Variants in CYB5R4 observed in about 807,000 individuals in gnomAD.
The protein encoded by CYB5R4 is N-terminal cytochrome b5 and cytochrome b5 oxidoreductase domain-containing protein.
A neutral mutation model predicts 70.2 loss-of-function variants in CYB5R4; 55 were observed. The observed-to-expected ratio is 0.78, with a 90% CI of 0.63 to 0.98. The LOEUF (loss-of-function observed/expected upper bound fraction) is 0.98, where lower values mean the gene tolerates loss of function less well. Ranked by LOEUF, CYB5R4 falls within the 50% of genes least tolerant of loss-of-function variation. The probability of loss-of-function intolerance (pLI) is 0.00; values close to 1 mark genes in which losing one functional copy is unlikely to be tolerated. For synonymous variants in CYB5R4, 197 were observed against 199.5 expected (o/e 0.99, Z 0.11); for missense variants, 562 against 612.6 (o/e 0.92, Z 0.87).
chr6:83,955,559 C>A, intron 15 of CYB5R4, 97 bp downstream of exon 15: 1 of 1,141,884 alleles, frequency 8.8e-7, no homozygotes, highest in South Asian at 1.9e-5. Context: ...TATGAAACTG[C>A]ACTTTAATAA....
intron 3 of CYB5R4, among the ~76,000 whole-genome samples, chr6:83,895,030 G>A (rs2099461642): frequency 6.6e-6 from 1 of 152,186 alleles, no homozygotes; most frequent in Non-Finnish European, 1.5e-5. Context: ...TGCTGTTAAT[G>A]TTCTTCCTGG....
At position 83,872,832 on chromosome 6, in the gene CYB5R4, C is replaced by G. The variant is rs148564325; in HGVS notation, c.229+8504C>G. ...CTTAAACCTAGGTCACAAACTGCAT[C>G]CTGTAGCCTAGTGTGGGACCAAACT... On this transcript the variant is annotated intron_variant, in intron 2 of 15. Transcript: ENST00000369681. Among the ~76,000 whole-genome samples the G allele has an allele frequency of 4.4e-3, 668 of 152,278 alleles. 3 individuals are homozygous for G. The highest frequency in any genetic ancestry group is 0.015 in the African/African-American group (627 of 41,560).
intron 2 of CYB5R4, among the ~76,000 whole-genome samples, chr6:83,893,162 TA>T (rs1236686666): frequency 6.6e-6 from 1 of 152,212 alleles, no homozygotes; most frequent in Non-Finnish European, 1.5e-5. Flanking sequence ...TGCAGCGCAT[TA>T]AGTGTACAGG....
At chr6:83,889,533 T>G (rs759193185) in intron 2 of CYB5R4, among the ~76,000 whole-genome samples, 1 of 152,210 alleles carries the variant, frequency 6.6e-6, no homozygotes. Context: ...TATTTTAAGC[T>G]CAATGTTGAG....
intron 5 of CYB5R4, among the ~76,000 whole-genome samples, chr6:83,916,902 A>G (rs947424561): frequency 1.3e-5 from 2 of 152,216 alleles, no homozygotes; most frequent in Non-Finnish European, 2.9e-5. Flanking sequence ...CTCAGCAGAT[A>G]CTAACCATTA....
chr6:83,944,695 C>G (rs1034299511), intron 14 of CYB5R4, among the ~76,000 whole-genome samples: 12 of 151,714 alleles, frequency 7.9e-5, no homozygotes, highest in Non-Finnish European at 1.8e-4. Flanking sequence ...AGACCCATCT[C>G]ATGTACAAAG....
At chr6:83,911,835 G>C (rs2099464736) in intron 4 of CYB5R4, among the ~76,000 whole-genome samples, 1 of 151,938 alleles carries the variant, frequency 6.6e-6, no homozygotes, top group Non-Finnish European at 1.5e-5. Context: ...CTTGAGTTCA[G>C]GAGTTCAAGA....
chr6:83,936,503 TCTC>T, intron 12 of CYB5R4, 127 bp downstream of exon 12: 4 of 777,526 alleles, frequency 5.1e-6, no homozygotes, highest in South Asian at 3.5e-5. Flanking sequence ...AAAGTTATCT[TCTC>T]CTTGTCCTAC....
chr6:83,944,241 C>T (rs566394701), intron 14 of CYB5R4, among the ~76,000 whole-genome samples: 8 of 152,284 alleles, frequency 5.3e-5, no homozygotes, highest in Non-Finnish European at 8.8e-5. Flanking sequence ...GATCTCTCTG[C>T]AGAAACCCTA....
intron 14 of CYB5R4, among the ~76,000 whole-genome samples, chr6:83,946,375 C>G (rs1258084490): frequency 1.3e-5 from 2 of 152,106 alleles, no homozygotes; most frequent in South Asian, 4.1e-4. Context: ...ATTCAACACC[C>G]CTTCATGCTA....
rs746654729 is a variant in CYB5R4, at chr6:83,964,775, A to T, written c.*4897A>T. 6.6e-6 allele frequency: 1 copy of T among 152,146 alleles called. No individual in the cohort carries two copies. The highest frequency in any genetic ancestry group is 1.5e-5 in the Non-Finnish European group (1 of 68,042). 9.4% of individuals were successfully genotyped at this position (152,146 alleles called of 1,614,324 possible). ...AGACCTGGAGGTCTAGGAAGAAAAA[A>T]TGGTAAAAATGGTTTTGTGGGCAAG... On this transcript the variant is annotated 3_prime_UTR_variant, in exon 16 of 16. Coordinates refer to ENST00000369681, the MANE Select transcript of CYB5R4 (RefSeq NM_016230.4).
At chr6:83,871,309 T>C (rs2099457595) in intron 2 of CYB5R4, among the ~76,000 whole-genome samples, 2 of 152,148 alleles carry the variant, frequency 1.3e-5, no homozygotes, top group Non-Finnish European at 2.9e-5. Flanking sequence ...AACCCATAGA[T>C]TTTTCAAGTT....
intron 3 of CYB5R4, 33 bp from the exon 4 acceptor site, chr6:83,908,976 T>C: frequency 6.4e-7 from 1 of 1,574,014 alleles, no homozygotes; most frequent in South Asian, 1.1e-5. Context: ...GAGTTAGTCA[T>C]GTTGCTTTTC....
At position 83,955,304 on chromosome 6, in the gene CYB5R4, T is replaced by C; in HGVS notation, c.1353T>C (p.Asp451=). 1 of 1,610,570 alleles carries C rather than the reference T, an allele frequency of 6.2e-7. No homozygotes were observed. The change falls in exon 15 of 16, where the codon GAT becomes GAC. Residue 451 remains aspartate (D), a synonymous_variant. Coordinates refer to ENST00000369681, the MANE Select transcript of CYB5R4 (RefSeq NM_016230.4). ...CTGTTTTTCTTTTCCCTAGACTGGATGTTGAATTTGTTCTCTCAGCACCTA... is the reference window on the plus strand; with the variant it reads ...CTGTTTTTCTTTTCCCTAGACTGGACGTTGAATTTGTTCTCTCAGCACCTA... ...EKLAFKDKRL[D]VEFVLSAPIS...
intron 11 of CYB5R4, 21 bp from the exon 12 acceptor site, chr6:83,936,203 T>G (rs746933738): frequency 7.2e-6 from 11 of 1,519,146 alleles, no homozygotes; most frequent in Non-Finnish European, 9.7e-6. Flanking sequence ...TTAATTATTT[T>G]GCTGTGATTT....
intron 3 of CYB5R4, among the ~76,000 whole-genome samples, chr6:83,903,610 A>G (rs1285163783): frequency 6.6e-6 from 1 of 150,914 alleles, no homozygotes; most frequent in Non-Finnish European, 1.5e-5. Context: ...ATTTTGATTT[A>G]CTCTTCTTTC....
intron 2 of CYB5R4, among the ~76,000 whole-genome samples, chr6:83,872,366 G>A (rs773225185): frequency 5.9e-5 from 9 of 152,156 alleles, no homozygotes; most frequent in Non-Finnish European, 7.3e-5. Flanking sequence ...CAATGAGGTA[G>A]GTCCTCCATT....
At chr6:83,934,480 T>C (rs2099468623) in intron 10 of CYB5R4, 115 bp from the exon 11 acceptor site, 1 of 651,190 alleles carries the variant, frequency 1.5e-6, no homozygotes, top group Non-Finnish European at 2.5e-6. Flanking sequence ...ATAGGCATTT[T>C]AGTGAAATTG....
chr6:83,957,785 C>T (rs1482591682), intron 15 of CYB5R4, among the ~76,000 whole-genome samples: 2 of 152,114 alleles, frequency 1.3e-5, no homozygotes, highest in Non-Finnish European at 2.9e-5. Context: ...TTACTCACTC[C>T]TGAACATGCT....
Sources: allele counts gnomAD v4.1 joint callset (sites outside exome capture counted in the v4.1 genomes callset), GRCh38; gene constraint gnomAD v4.1.1; transcripts MANE v1.5; gene names NCBI Gene and HGNC (gene_info 2026-07-23, HGNC 2026-07-21).